Variants in WDR41 observed in about 807,000 individuals in gnomAD.
WDR41 encodes the protein WD repeat-containing protein 41.
WDR41 carries 63 observed loss-of-function variants against 69.3 expected under a neutral mutation model. That is an observed-to-expected ratio of 0.91 (90% CI 0.74 to 1.12). The LOEUF (loss-of-function observed/expected upper bound fraction) is 1.12. Among genes scored for constraint, WDR41 ranks in the 50% most tolerant of loss-of-function variants. The pLI, the probability that WDR41 is intolerant of heterozygous loss-of-function variation, is 0.00. For synonymous variants in WDR41, 185 were observed against 192.1 expected, an observed-to-expected ratio of 0.96 and a Z score of 0.31; for missense variants, 543 against 534.5, an observed-to-expected ratio of 1.02 and a Z score of -0.16.
At chr5:77,595,395 C>CAGTT (rs1561234445) in intron 1 of WDR41, among the ~76,000 whole-genome samples, 1 of 152,130 alleles carries the variant, frequency 6.6e-6, no homozygotes, top group Non-Finnish European at 1.5e-5. Context: ...ACTCCAGTAA[C>CAGTT]AGTTACCAGC....
At chr5:77,497,210 C>T (rs1001671623), upstream of WDR41, among the ~76,000 whole-genome samples, 3 of 151,932 alleles carry the variant, frequency 2.0e-5, no homozygotes, top group African/African-American at 4.8e-5. Context: ...GTGGCGGTGA[C>T]ACCAAATGCA....
At chr5:77,582,120 C>T (rs902591240) in intron 1 of WDR41, among the ~76,000 whole-genome samples, 1 of 152,000 alleles carries the variant, frequency 6.6e-6, no homozygotes, top group African/African-American at 2.4e-5. Context: ...GAAGGGAGGA[C>T]TCAACTTACT....
At chr5:77,457,841 C>G (rs940029072) in intron 5 of WDR41, among the ~76,000 whole-genome samples, 8 of 151,978 alleles carry the variant, frequency 5.3e-5, no homozygotes, top group Admixed American at 5.2e-4. Flanking sequence ...AACAGGATCA[C>G]AGCAGGAGAA....
chr5:77,436,198 GA>G, intron 12 of WDR41, 62 bp downstream of exon 12: 1 of 1,572,686 alleles, frequency 6.4e-7, no homozygotes. Context: ...TCAACTGAAA[GA>G]AAAGAGCAAT....
chr5:77,529,092 C>T (rs1023536024), intron 1 of WDR41, among the ~76,000 whole-genome samples: 1 of 151,344 alleles, frequency 6.6e-6, no homozygotes, highest in Non-Finnish European at 1.5e-5. Flanking sequence ...AGAGATAAAA[C>T]TGTCATATTC....
intron 2 of WDR41, among the ~76,000 whole-genome samples, chr5:77,486,373 A>T (rs1801522688): frequency 6.6e-6 from 1 of 152,220 alleles, no homozygotes; most frequent in Non-Finnish European, 1.5e-5. Flanking sequence ...AGGCTTCTTC[A>T]TCTATCTTAG....
intron 2 of WDR41, among the ~76,000 whole-genome samples, chr5:77,473,504 G>A (rs937749381): frequency 2.0e-5 from 3 of 152,158 alleles, no homozygotes; most frequent in Admixed American, 6.5e-5. Context: ...AGAGTGAACA[G>A]GCAACCTACA....
chr5:77,570,550 T>C (rs536771227), intron 1 of WDR41, among the ~76,000 whole-genome samples: 1 of 148,764 alleles, frequency 6.7e-6, no homozygotes. Context: ...TTTACATTAA[T>C]ATTCTAAGAT....
chr5:77,618,454 C>G (rs1052577276), intron 1 of WDR41, among the ~76,000 whole-genome samples: 1 of 152,026 alleles, frequency 6.6e-6, no homozygotes, highest in Non-Finnish European at 1.5e-5. Context: ...CTCACTGCAA[C>G]CTACGCCTCC....
At chr5:77,487,181 T>C (rs1801562125) in intron 2 of WDR41, among the ~76,000 whole-genome samples, 1 of 152,244 alleles carries the variant, frequency 6.6e-6, no homozygotes, top group Non-Finnish European at 1.5e-5. Flanking sequence ...CCTGATCACA[T>C]ACTGTGTATT....
chr5:77,474,326 A>T (rs895769623), intron 2 of WDR41, among the ~76,000 whole-genome samples: 2 of 152,110 alleles, frequency 1.3e-5, no homozygotes, highest in Non-Finnish European at 2.9e-5. Context: ...TGGAGATATA[A>T]CTAATGTTAA....
At chr5:77,518,246 A>G (rs1379482990) in intron 1 of WDR41, among the ~76,000 whole-genome samples, 1 of 152,124 alleles carries the variant, frequency 6.6e-6, no homozygotes, top group Non-Finnish European at 1.5e-5. Context: ...TGCATCTCAT[A>G]ATGTAATATA....
At chr5:77,489,806 G>GT (rs1183397721) in intron 1 of WDR41, among the ~76,000 whole-genome samples, 1 of 152,096 alleles carries the variant, frequency 6.6e-6, no homozygotes, top group African/African-American at 2.4e-5. Flanking sequence ...ATGAATTTTA[G>GT]TATTTTCAAA....
Position 77,513,433 on chromosome 5 carries a change from AG to A in WDR41, c.43-23862del, listed in dbSNP as rs138791047. Among the ~76,000 whole-genome samples, 688 of 152,326 alleles carry A rather than the reference AG, an allele frequency of 4.5e-3. 2 individuals are homozygous for A. The highest frequency in any genetic ancestry group is 0.016 in the African/African-American group (663 of 41,560). ...TTCTAGAGTAGAAAATAACAGCAGA[AG>A]AATTCACAATAGTCTAGATACATTG... On this transcript the variant is annotated intron_variant, in intron 1 of 5. Coordinates refer to the WDR41 transcript ENST00000509971.
intron 5 of WDR41, among the ~76,000 whole-genome samples, chr5:77,457,367 T>G (rs550026701): frequency 2.4e-4 from 36 of 152,328 alleles, no homozygotes; most frequent in South Asian, 8.3e-4. Flanking sequence ...ATTTTCCTCT[T>G]TTAATATTCT....
At chr5:77,472,873 C>T (rs868713258) in intron 2 of WDR41, among the ~76,000 whole-genome samples, 1 of 151,962 alleles carries the variant, frequency 6.6e-6, no homozygotes, top group African/African-American at 2.4e-5. Context: ...TCAATGCCAT[C>T]CCCATCAAGC....
At chr5:77,444,808 T>C (rs1366521954) in intron 8 of WDR41, among the ~76,000 whole-genome samples, 1 of 152,252 alleles carries the variant, frequency 6.6e-6, no homozygotes. Context: ...ACAGACTACT[T>C]GGTCATGTTT....
rs904937618 is a variant in WDR41 at position 77,431,861 on chromosome 5, A to G, written c.*1274T>C. ...CTTTTCATGACTCAATGTTGTTTGGATTTAAAGTAGTCATATAAGCCTTTT... is the reference window on the plus strand; with the variant it reads ...CTTTTCATGACTCAATGTTGTTTGGGTTTAAAGTAGTCATATAAGCCTTTT... On this transcript the variant is annotated 3_prime_UTR_variant, in exon 13 of 13. Transcript: ENST00000296679. 7.5e-6 allele frequency: 1 copy of G among 133,770 alleles called. No individual in the cohort carries two copies. The highest frequency in any genetic ancestry group is 2.8e-5 in the African/African-American group (1 of 35,242). 8.3% of individuals were successfully genotyped at this position (133,770 alleles called of 1,614,324 possible). A position where few individuals can be genotyped will look rare whatever the true frequency, so the allele number is the denominator to read the frequency against.
At chr5:77,448,656 T>C (rs1394780910) in intron 8 of WDR41, among the ~76,000 whole-genome samples, 1 of 151,772 alleles carries the variant, frequency 6.6e-6, no homozygotes, top group Non-Finnish European at 1.5e-5. Flanking sequence ...GATCATGAGG[T>C]CAGGAGTTCG....
Sources: allele counts gnomAD v4.1 joint callset (sites outside exome capture counted in the v4.1 genomes callset), GRCh38; gene constraint gnomAD v4.1.1; transcripts MANE v1.5; gene names NCBI Gene and HGNC (gene_info 2026-07-23, HGNC 2026-07-21).